Variants in FBN3 observed in about 807,000 individuals in gnomAD.
The protein encoded by FBN3 is fibrillin-3.
FBN3 carries 234 observed loss-of-function variants against 330.1 expected under a neutral mutation model. The observed-to-expected ratio is 0.71, with a 90% CI of 0.64 to 0.79. FBN3 has a LOEUF of 0.79. Among genes scored for constraint, FBN3 ranks in the 30% least tolerant of loss-of-function variants. The probability of loss-of-function intolerance (pLI) is 0.00; values close to 1 mark genes in which losing one functional copy is unlikely to be tolerated. For missense variants in FBN3, 3,606 were observed against 3,886.9 expected (o/e 0.93, Z 1.92); for synonymous variants, 1,458 against 1,517.3 (o/e 0.96, Z 0.91).
chr19:8,097,342 C>T lies in FBN3; in HGVS notation c.5234G>A (p.Arg1745His), dbSNP rs779127217. ...GICINQIGSF[R>H]CECPAGFNYN... ...GTTGAAGCCTGCGGGGCACTCGCAGCGGAAACTCCCGATCTGGTTTATGCA... is the reference window on the plus strand; with the variant it reads ...GTTGAAGCCTGCGGGGCACTCGCAGTGGAAACTCCCGATCTGGTTTATGCA... Residue 1745 changes from arginine to histidine, a missense_variant, in exon 42 of 64, where the codon CGC becomes CAC. Transcript: ENST00000600128. The T allele has an allele frequency of 1.9e-5, 31 of 1,610,040 alleles. No individual in the cohort carries two copies. The highest frequency in any genetic ancestry group is 6.7e-5 in the African/African-American group (5 of 74,896).
At chr19:8,075,450 T>G in intron 59 of FBN3, 39 bp from the exon 60 acceptor site, 1 of 1,591,320 alleles carries the variant, frequency 6.3e-7, no homozygotes, top group South Asian at 1.1e-5. Flanking sequence ...GCCTGCTGGT[T>G]AAGGAACTCG....
chr19:8,089,526 G>C lies in FBN3; in HGVS notation c.6376+19C>G. ...TGGGAGGGGCCTGGGACAGAGCTGG[G>C]GAAGGGCTGGCCACTCACCCACACA... On this transcript the variant is annotated intron_variant, in intron 51 of 63. Transcript: ENST00000600128. The C allele has an allele frequency of 6.2e-7, 1 of 1,613,780 alleles. No homozygotes were observed. The highest frequency in any genetic ancestry group is 8.5e-7 in the Non-Finnish European group (1 of 1,179,842).
chr19:8,073,963 G>A (rs562990079), intron 61 of FBN3, among the ~76,000 whole-genome samples: 5 of 152,220 alleles, frequency 3.3e-5, no homozygotes, highest in East Asian at 3.9e-4. Context: ...CTACCATGGC[G>A]GATCCCAATT....
At chr19:8,083,805 C>CTTTTCTTT (rs766533055) in intron 56 of FBN3, among the ~76,000 whole-genome samples, 4 of 134,086 alleles carry the variant, frequency 3.0e-5, no homozygotes. Flanking sequence ...ACTATTTTTT[C>CTTTTCTTT]TTTTTTTTTT....
chr19:8,109,463 A>C lies in FBN3; in HGVS notation c.4457-75T>G. 2.5e-6 allele frequency: 4 copies of C among 1,568,972 alleles called. No individual in the cohort carries two copies. Among genetic ancestry groups the C allele is most frequent in the Non-Finnish European group, 3.5e-6 (4 of 1,145,166 alleles). On this transcript the variant is annotated intron_variant, in intron 35 of 63. Coordinates refer to ENST00000600128, the MANE Select transcript of FBN3 (RefSeq NM_032447.5). This position sits in a 1 kb window ranked among gnomAD's most constrained non-coding sequence, Gnocchi z 5.2. ...TGTGTGCGTGTGCATGCATGTGTCTATTTCAACAGGTGACAAGGACAACCA... is the reference window on the plus strand; with the variant it reads ...TGTGTGCGTGTGCATGCATGTGTCTCTTTCAACAGGTGACAAGGACAACCA...
intron 4 of FBN3, 76 bp from the exon 5 acceptor site, chr19:8,146,014 T>C: frequency 6.7e-7 from 1 of 1,485,522 alleles, no homozygotes; most frequent in East Asian, 2.5e-5. Flanking sequence ...GCTGCAGGAC[T>C]AGGCATGCTC....
intron 26 of FBN3, 98 bp from the exon 27 acceptor site, chr19:8,117,687 A>C: frequency 4.2e-4 from 574 of 1,369,236 alleles, no homozygotes; most frequent in Non-Finnish European, 5.1e-4. Flanking sequence ...TAAGGAGCTC[A>C]CACTGCCAGC....
In FBN3 at chr19:8,096,183, C is replaced by T; in HGVS notation, c.5540-103G>A. 1.0e-6 allele frequency: 1 copy of T among 961,240 alleles called. No individual in the cohort carries two copies. 59.5% of individuals were successfully genotyped at this position (961,240 alleles called of 1,614,324 possible). On this transcript the variant is annotated intron_variant, in intron 44 of 63. Transcript: ENST00000600128. The surrounding 1 kb of genome is among the most constrained non-coding windows in gnomAD (Gnocchi z 4.6). Reference sequence around the variant, plus strand: ...CCTAGCACTCCTCCCCTGCACCTAGCCCTGCCTAGATGACTGGGCAGTGAC... The same window carrying T: ...CCTAGCACTCCTCCCCTGCACCTAGTCCTGCCTAGATGACTGGGCAGTGAC...
At chr19:8,112,121 C>T (rs748949010) in intron 30 of FBN3, 22 bp from the exon 31 acceptor site, 61 of 1,607,768 alleles carry the variant, frequency 3.8e-5, no homozygotes, top group South Asian at 3.5e-4. Flanking sequence ...GGAGGCACGA[C>T]GCCAAGACCC....
chr19:8,098,562 TG>T (rs1484579534), intron 41 of FBN3, among the ~76,000 whole-genome samples: 1 of 62,626 alleles, frequency 1.6e-5, no homozygotes, highest in Non-Finnish European at 4.6e-5. Context: ...AGTGGGGGAC[TG>T]GAAACAACCT....
intron 63 of FBN3, 132 bp downstream of exon 63, chr19:8,071,916 G>A: frequency 3.3e-6 from 3 of 909,456 alleles, no homozygotes; most frequent in Admixed American, 2.5e-5. Context: ...ACCATGACAT[G>A]GGGAACCTGT....
In FBN3 at chr19:8,123,979, A is replaced by AT. The variant is rs1568429243; in HGVS notation, c.2760dup (p.Trp921MetfsTer3). On this transcript the variant is annotated frameshift_variant, in exon 23 of 64. Coordinates refer to ENST00000600128, the MANE Select transcript of FBN3 (RefSeq NM_032447.5). LOFTEE classifies it high-confidence loss of function. ...GTGACCCCACACTCATCCTCATCCC[A>AT]TCGCAGGAAACATGGTTCCAATCTC... The AT allele has an allele frequency of 6.2e-7, 1 of 1,613,942 alleles. No individual in the cohort carries two copies. Among genetic ancestry groups the AT allele is most frequent in the South Asian group, 1.1e-5 (1 of 91,068 alleles).
chr19:8,093,267 C>T (rs904039368), intron 47 of FBN3, among the ~76,000 whole-genome samples: 3 of 151,398 alleles, frequency 2.0e-5, no homozygotes, highest in African/African-American at 4.9e-5. Flanking sequence ...GTGGGAGGAT[C>T]GCTTGAGGTC....
At chr19:8,072,303 GC>G (rs2081533610) in intron 62 of FBN3, 105 bp from the exon 63 acceptor site, 1 of 1,225,078 alleles carries the variant, frequency 8.2e-7, no homozygotes, top group Non-Finnish European at 1.1e-6. Context: ...TGCTGCAAAT[GC>G]CCACGCACAC....
At chr19:8,103,807 C>G in intron 38 of FBN3, 120 bp from the exon 39 acceptor site, 1 of 892,778 alleles carries the variant, frequency 1.1e-6, no homozygotes, top group Non-Finnish European at 1.7e-6. Flanking sequence ...GTTTCAAAAT[C>G]AGTTTAAAAC....
At chr19:8,114,052 C>T (rs1305484459) in intron 30 of FBN3, among the ~76,000 whole-genome samples, 1 of 151,366 alleles carries the variant, frequency 6.6e-6, no homozygotes, top group Non-Finnish European at 1.5e-5. Context: ...AATAGATACA[C>T]AGAGAGAAGA....
intron 62 of FBN3, 116 bp from the exon 63 acceptor site, chr19:8,072,314 C>G: frequency 9.1e-7 from 1 of 1,098,676 alleles, no homozygotes; most frequent in South Asian, 1.6e-5. Context: ...CCCACGCACA[C>G]AAATGCCTCT....
Position 8,126,007 on chromosome 19 carries a change from C to G in FBN3, c.2616G>C (p.Glu872Asp). Residue 872 changes from glutamate (E) to aspartate (D), a missense_variant, in exon 22 of 64, where the codon GAG (glutamate) becomes GAC (aspartate). By Grantham distance (45) the Glu-to-Asp change is conservative. Coordinates refer to ENST00000600128, the MANE Select transcript of FBN3 (RefSeq NM_032447.5). ...GACAGACTCCCGGGAAGGACTCACA[C>G]TCGTTCACATCTGGGTAAGGAGGAG... ...MTGVTCDDVN[E>D]CESFPGVCPN... The G allele has an allele frequency of 6.2e-7, 1 of 1,613,944 alleles. No individual in the cohort carries two copies. Among genetic ancestry groups the G allele is most frequent in the Non-Finnish European group, 8.5e-7 (1 of 1,179,986 alleles).
At chr19:8,147,273 C>T (rs1431867944) in intron 2 of FBN3, 41 bp downstream of exon 2, 1 of 1,571,904 alleles carries the variant, frequency 6.4e-7, no homozygotes, top group South Asian at 1.2e-5. Flanking sequence ...ACAGCCCAAT[C>T]CACACCGAAG....
Sources: allele counts gnomAD v4.1 joint callset (sites outside exome capture counted in the v4.1 genomes callset), GRCh38; gene constraint gnomAD v4.1.1; non-coding constraint Gnocchi (gnomAD v3.1); transcripts MANE v1.5; gene names NCBI Gene and HGNC (gene_info 2026-07-23, HGNC 2026-07-21).